Variants in LRRC2 observed in about 807,000 individuals in gnomAD.
LRRC2 encodes the protein leucine-rich repeat-containing protein 2.
A neutral mutation model predicts 40.2 loss-of-function variants in LRRC2; 27 were observed. The ratio of observed to expected loss-of-function variants is 0.67; its 90% CI spans 0.49 to 0.93. The LOEUF is 0.93. Among genes scored for constraint, LRRC2 ranks in the 40% least tolerant of loss-of-function variants. LRRC2 has a pLI of 0.00. For synonymous variants in LRRC2, 147 were observed against 158.9 expected, an observed-to-expected ratio of 0.92 and a Z score of 0.56; for missense variants, 402 against 439.6, an observed-to-expected ratio of 0.91 and a Z score of 0.76.
At chr3:46,521,174 C>T (rs748808859) in intron 8 of LRRC2, among the ~76,000 whole-genome samples, 2 of 152,118 alleles carry the variant, frequency 1.3e-5, no homozygotes, top group Non-Finnish European at 1.5e-5. Flanking sequence ...GATTTTGAAA[C>T]GACATCTTAT....
intron 2 of LRRC2, among the ~76,000 whole-genome samples, chr3:46,547,546 C>T (rs960795405): frequency 2.6e-5 from 4 of 151,808 alleles, no homozygotes; most frequent in Non-Finnish European, 5.9e-5. Context: ...GTCCCAGCTA[C>T]TCAGGAGGCT....
chr3:46,552,877 C>A (rs550571372), intron 1 of LRRC2, among the ~76,000 whole-genome samples: 3 of 152,306 alleles, frequency 2.0e-5, no homozygotes, highest in African/African-American at 7.2e-5. Flanking sequence ...GAAAGTCAAA[C>A]TTGGGTACAT....
intron 3 of LRRC2, among the ~76,000 whole-genome samples, chr3:46,543,701 G>A (rs1245600699): frequency 6.6e-6 from 1 of 151,958 alleles, no homozygotes; most frequent in African/African-American, 2.4e-5. Context: ...TGTGAAACAT[G>A]AGGGCTCGTG....
At chr3:46,560,513 G>A (rs1030631176) in intron 1 of LRRC2, among the ~76,000 whole-genome samples, 2 of 152,084 alleles carry the variant, frequency 1.3e-5, no homozygotes, top group African/African-American at 2.4e-5. Flanking sequence ...TAACCTCTAC[G>A]GGATCCAGTC....
chr3:46,534,130 A>G (rs1179122419), intron 4 of LRRC2, among the ~76,000 whole-genome samples: 1 of 151,584 alleles, frequency 6.6e-6, no homozygotes, highest in African/African-American at 2.4e-5. Flanking sequence ...CCCTGTGTCC[A>G]TGTGTTCTCA....
At chr3:46,563,468 G>A (rs1260423515) in intron 1 of LRRC2, among the ~76,000 whole-genome samples, 3 of 151,410 alleles carry the variant, frequency 2.0e-5, no homozygotes, top group East Asian at 3.9e-4. Context: ...CCCCCTCAGA[G>A]CTCAGCACAC....
chr3:46,551,774 T>TTA (rs58302637), intron 1 of LRRC2, among the ~76,000 whole-genome samples, 164 bp from the exon 2 acceptor site: 1 of 121,780 alleles, frequency 8.2e-6, no homozygotes, highest in South Asian at 2.6e-4. Flanking sequence ...TTTTTTTTTT[T>TTA]AGCTTGTTTG....
intron 2 of LRRC2, 109 bp downstream of exon 2, chr3:46,551,358 A>G (rs1474583613): frequency 2.2e-6 from 3 of 1,377,640 alleles, no homozygotes; most frequent in Non-Finnish European, 3.0e-6. Context: ...AATTTTACCA[A>G]CAGTGAGAAA....
At chr3:46,526,487 A>G (rs1485680271) in intron 7 of LRRC2, among the ~76,000 whole-genome samples, 2 of 152,238 alleles carry the variant, frequency 1.3e-5, no homozygotes, top group Non-Finnish European at 2.9e-5. Flanking sequence ...ACAGCCAAGC[A>G]CAGTGGAAGA....
At chr3:46,528,156 T>C (rs1476723936) in intron 6 of LRRC2, among the ~76,000 whole-genome samples, 1 of 152,238 alleles carries the variant, frequency 6.6e-6, no homozygotes, top group Non-Finnish European at 1.5e-5. Flanking sequence ...CACTAGGCCA[T>C]GATGGAGCCT....
At chr3:46,549,917 C>T (rs1704606879) in intron 2 of LRRC2, among the ~76,000 whole-genome samples, 1 of 152,220 alleles carries the variant, frequency 6.6e-6, no homozygotes, top group Admixed American at 6.5e-5. Flanking sequence ...GCTCTGGGAC[C>T]TTGTATGATT....
rs1423994311 is a variant in LRRC2, at chr3:46,535,905, G to A, written c.491-2996C>T. Among the ~76,000 whole-genome samples, 7 of 152,178 alleles carry A rather than the reference G, an allele frequency of 4.6e-5. No homozygotes were observed. In the South Asian group the frequency reaches 8.3e-4, roughly 18 times the overall value. On this transcript the variant is annotated intron_variant, in intron 4 of 8. Coordinates refer to ENST00000395905, the MANE Select transcript of LRRC2 (RefSeq NM_024512.5). ...ATCTATTTAATCCTCACAACAACGC[G>A]GTGAACTAGGTACTATTGTTATCCC...
chr3:46,525,091 T>C (rs1479402156), intron 7 of LRRC2, among the ~76,000 whole-genome samples: 38 of 148,588 alleles, frequency 2.6e-4, no homozygotes, highest in South Asian at 1.3e-3. Context: ...TTTTTCTTTT[T>C]TTTTTTTTTT....
intron 6 of LRRC2, among the ~76,000 whole-genome samples, chr3:46,529,355 T>C (rs1223348122): frequency 6.6e-6 from 1 of 152,100 alleles, no homozygotes; most frequent in Non-Finnish European, 1.5e-5. Context: ...GGCAGAAGGA[T>C]TGCTTGTGCC....
intron 1 of LRRC2, among the ~76,000 whole-genome samples, chr3:46,552,924 T>G (rs776721369): frequency 6.6e-5 from 10 of 152,218 alleles, no homozygotes; most frequent in Non-Finnish European, 1.3e-4. Flanking sequence ...TTAGAGATAA[T>G]TTAGTCTCTA....
At position 46,533,803 on chromosome 3, in the gene LRRC2, C is replaced by CTTTTTCTTTCTTTCTTTCTTTCTTTG. The variant is rs1553612510; in HGVS notation, c.491-895_491-894insCAAAGAAAGAAAGAAAGAAAGAAAAA. On this transcript the variant is annotated intron_variant, in intron 4 of 8. Transcript: ENST00000395905. ...TCTTTCTTTCTTTCTTTCTTTGTTT[C>CTTTTTCTTTCTTTCTTTCTTTCTTTG]TTTCTTTCTTTCTTTTTCTTTCTCT... is the stretch of plus-strand genomic sequence containing the variant. Among the ~76,000 whole-genome samples the CTTTTTCTTTCTTTCTTTCTTTCTTTG allele has an allele frequency of 2.1e-4, 26 of 122,152 alleles. No individual in the cohort carries two copies. In the East Asian group the frequency reaches 7.0e-3, roughly 33 times the overall value. 80.1% of individuals were successfully genotyped at this position (122,152 alleles called of 152,430 possible).
At chr3:46,533,984 G>A (rs1212999250) in intron 4 of LRRC2, among the ~76,000 whole-genome samples, 1 of 149,212 alleles carries the variant, frequency 6.7e-6, no homozygotes, top group South Asian at 2.1e-4. Flanking sequence ...ATCGGTATAC[G>A]TGTGCCATGG....
At chr3:46,536,217 A>G (rs1300653879) in intron 4 of LRRC2, among the ~76,000 whole-genome samples, 5 of 152,240 alleles carry the variant, frequency 3.3e-5, no homozygotes, top group Non-Finnish European at 7.3e-5. Flanking sequence ...CTTAGCGCTT[A>G]CTGAGAGGCT....
chr3:46,528,147 A>G (rs1159804321), intron 6 of LRRC2, among the ~76,000 whole-genome samples: 1 of 152,180 alleles, frequency 6.6e-6, no homozygotes, highest in Non-Finnish European at 1.5e-5. Context: ...CACAATACAC[A>G]CTAGGCCATG....
Sources: allele counts gnomAD v4.1 joint callset (sites outside exome capture counted in the v4.1 genomes callset), GRCh38; gene constraint gnomAD v4.1.1; transcripts MANE v1.5; gene names NCBI Gene and HGNC (gene_info 2026-07-23, HGNC 2026-07-21).